Variants in PRKD1 observed in about 807,000 individuals in gnomAD.
PRKD1 encodes protein kinase D1.
A neutral mutation model predicts 95.9 loss-of-function variants in PRKD1; 63 were observed. The ratio of observed to expected loss-of-function variants is 0.66; its 90% confidence interval spans 0.54 to 0.81. The LOEUF is 0.81. Among genes scored for constraint, PRKD1 ranks in the 30% least tolerant of loss-of-function variants. The pLI, the probability that PRKD1 is intolerant of heterozygous loss-of-function variation, is 0.00. For missense variants in PRKD1, 1,048 were observed against 1,165.3 expected, an observed-to-expected ratio of 0.90 and a Z score of 1.47; for synonymous variants, 425 against 423.1, an observed-to-expected ratio of 1.00 and a Z score of -0.05.
At chr14:29,731,628 A>G (rs1194394895) in intron 1 of PRKD1, among the ~76,000 whole-genome samples, 1 of 152,210 alleles carries the variant, frequency 6.6e-6, no homozygotes, top group Non-Finnish European at 1.5e-5. Flanking sequence ...TTAGGTGTAT[A>G]AACAATGAAA....
chr14:29,648,195 G>C (rs1447575357), intron 4 of PRKD1, among the ~76,000 whole-genome samples: 1 of 105,114 alleles, frequency 9.5e-6, no homozygotes, highest in Non-Finnish European at 1.8e-5. Flanking sequence ...AAACTTTTAT[G>C]ATTTTTTTCT....
At chr14:29,631,945 G>A (rs911618931) in intron 9 of PRKD1, among the ~76,000 whole-genome samples, 1 of 151,952 alleles carries the variant, frequency 6.6e-6, no homozygotes, top group Non-Finnish European at 1.5e-5. Flanking sequence ...GAGATTACAG[G>A]TGCATCCCAT....
chr14:29,595,188 G>A (rs1276851346), intron 16 of PRKD1, among the ~76,000 whole-genome samples: 6 of 152,142 alleles, frequency 3.9e-5, no homozygotes, highest in Non-Finnish European at 7.4e-5. Context: ...CTATAGCCAA[G>A]TAAAATGTGT....
At chr14:29,581,618 T>C (rs549885116) in intron 16 of PRKD1, among the ~76,000 whole-genome samples, 5 of 152,306 alleles carry the variant, frequency 3.3e-5, no homozygotes, top group African/African-American at 1.2e-4. Context: ...TAACTTATCA[T>C]TGTAAGTGGA....
chr14:29,757,470 G>A (rs887993094), intron 1 of PRKD1, among the ~76,000 whole-genome samples: 2 of 152,114 alleles, frequency 1.3e-5, no homozygotes, highest in African/African-American at 2.4e-5. Context: ...AGAGGCATGT[G>A]CAAATACATA....
intron 1 of PRKD1, among the ~76,000 whole-genome samples, chr14:29,744,082 C>A (rs1162536396): frequency 6.6e-6 from 1 of 152,132 alleles, no homozygotes; most frequent in East Asian, 1.9e-4. Context: ...CTTTAAATAT[C>A]GTTTATACTC....
chr14:29,810,402 C>T (rs759894766), intron 1 of PRKD1, among the ~76,000 whole-genome samples: 10 of 152,190 alleles, frequency 6.6e-5, no homozygotes, highest in Non-Finnish European at 1.3e-4. Context: ...ACCTCAGCAC[C>T]TCTAATGTCA....
At chr14:29,701,007 C>CACACACACACACACACACACACACA (rs1457484159) in intron 2 of PRKD1, among the ~76,000 whole-genome samples, 1 of 48,932 alleles carries the variant, frequency 2.0e-5, no homozygotes, top group Admixed American at 1.9e-4. Context: ...CACACACACA[C>CACACACACACACACACACACACACA]CCTGTTGTGT....
intron 1 of PRKD1, among the ~76,000 whole-genome samples, chr14:29,879,234 C>G (rs1275682885): frequency 6.6e-6 from 1 of 152,178 alleles, no homozygotes; most frequent in Non-Finnish European, 1.5e-5. Context: ...TGTCCCCACC[C>G]AAATCTCAAC....
intron 16 of PRKD1, among the ~76,000 whole-genome samples, chr14:29,585,212 C>T (rs1892879130): frequency 6.6e-6 from 1 of 152,166 alleles, no homozygotes; most frequent in South Asian, 2.1e-4. Flanking sequence ...CTCAACCCAG[C>T]ATGCTGTTGC....
At chr14:29,651,993 G>A (rs1594397170) in intron 4 of PRKD1, among the ~76,000 whole-genome samples, 1 of 152,152 alleles carries the variant, frequency 6.6e-6, no homozygotes, top group East Asian at 1.9e-4. Flanking sequence ...TGATCCACCC[G>A]CCTTGGCCTC....
At chr14:29,668,997 A>C (rs1882685385) in intron 2 of PRKD1, among the ~76,000 whole-genome samples, 1 of 151,722 alleles carries the variant, frequency 6.6e-6, no homozygotes, top group Non-Finnish European at 1.5e-5. Context: ...CCATTACTCA[A>C]CTTGTATTTT....
chr14:29,786,574 G>A (rs1047618354), intron 1 of PRKD1, among the ~76,000 whole-genome samples: 1 of 152,096 alleles, frequency 6.6e-6, no homozygotes, highest in Non-Finnish European at 1.5e-5. Context: ...TTGATAGGCT[G>A]TGTGTGTCCA....
chr14:29,578,363 G>T lies in PRKD1; in HGVS notation c.2435-3C>A. On this transcript the variant is annotated splice_region_variant and splice_polypyrimidine_tract_variant and intron_variant, in intron 16 of 17. Coordinates refer to ENST00000331968, the MANE Select transcript of PRKD1 (RefSeq NM_002742.3). ...CAAATTGTTGATAAGATCAATGGCTGAAAAAAATTACCAGTAAAAATAGAT... is the reference window on the plus strand; with the variant it reads ...CAAATTGTTGATAAGATCAATGGCTTAAAAAAATTACCAGTAAAAATAGAT... The T allele has an allele frequency of 1.3e-6, 2 of 1,599,782 alleles. No homozygotes were observed. Among genetic ancestry groups the T allele is most frequent in the Non-Finnish European group, 1.7e-6 (2 of 1,171,856 alleles).
intron 1 of PRKD1, among the ~76,000 whole-genome samples, chr14:29,839,135 G>A (rs1376691423): frequency 6.6e-6 from 1 of 152,142 alleles, no homozygotes; most frequent in Non-Finnish European, 1.5e-5. Flanking sequence ...GAAGAAGACT[G>A]ATGATTAACA....
At position 29,927,084 on chromosome 14, in the gene PRKD1, G is replaced by A. The variant is rs188770273; in HGVS notation, c.264+165C>T. 9.3e-3 allele frequency among the ~76,000 whole-genome samples: 1,417 copies of A among 152,090 alleles called. 21 individuals carry two copies. Among genetic ancestry groups the A allele is most frequent in the African/African-American group, 0.032 (1,316 of 41,534 alleles). ...AGCAACAGCGAGCGCAGCGCCTCGG[G>A]TTGCAGGCGTCCAGCCGCGGCGGGG... On this transcript the variant is annotated intron_variant, in intron 1 of 17. Transcript: ENST00000331968.
intron 2 of PRKD1, among the ~76,000 whole-genome samples, chr14:29,704,686 CTTTGT>C (rs1323942776): frequency 1.3e-5 from 2 of 152,002 alleles, no homozygotes; most frequent in Admixed American, 6.6e-5. Flanking sequence ...AACTGGTTTT[CTTTGT>C]TTTGTTTTGT....
chr14:29,779,485 C>T (rs1393652441), intron 1 of PRKD1, among the ~76,000 whole-genome samples: 3 of 152,070 alleles, frequency 2.0e-5, no homozygotes, highest in Admixed American at 1.3e-4. Flanking sequence ...CATTCCTATA[C>T]ACCAATAACG....
At chr14:29,894,735 G>C (rs1050737233) in intron 1 of PRKD1, among the ~76,000 whole-genome samples, 1 of 152,154 alleles carries the variant, frequency 6.6e-6, no homozygotes, top group Non-Finnish European at 1.5e-5. Flanking sequence ...AGAGGATGGA[G>C]AGACAGTAGT....
Sources: allele counts gnomAD v4.1 joint callset (sites outside exome capture counted in the v4.1 genomes callset), GRCh38; gene constraint gnomAD v4.1.1; transcripts MANE v1.5; gene names NCBI Gene and HGNC (gene_info 2026-07-23, HGNC 2026-07-21).